The following MYO1F variants were observed in gnomAD, a reference collection of about 807,000 sequenced individuals.
MYO1F encodes the protein myosin IF, also known as unconventional myosin-If.
In MYO1F, 60 loss-of-function variants were observed where a neutral mutation model predicts 146.6. That is an observed-to-expected ratio of 0.41 (90% CI 0.33 to 0.51). The LOEUF is 0.51. MYO1F is among the 20% of genes least tolerant of loss of function. The pLI, the probability that MYO1F is intolerant of heterozygous loss-of-function variation, is 0.25. For missense variants in MYO1F, 1,274 were observed against 1,534.3 expected (o/e 0.83, Z 2.83); for synonymous variants, 602 against 602.1 (o/e 1.00, Z 0.00).
rs753745875 is a variant in MYO1F, at chr19:8,522,466, G to T, written c.3131C>A (p.Pro1044His). ...RPKPQPRTHG[P>H]RCRALYQYVG... Reference sequence around the variant, plus strand: ...GTACTGGTATAGGGCCCGGCACCTGGGACCATGTGTCCGAGGCTGGGGCTT... The same window carrying T: ...GTACTGGTATAGGGCCCGGCACCTGTGACCATGTGTCCGAGGCTGGGGCTT... Residue 1044 changes from proline (P) to histidine (H), a missense_variant, in exon 27 of 28, where the codon CCC (proline) becomes CAC (histidine). Pro to His is a moderately conservative substitution (Grantham distance 77). Around this residue, in one of 2 missense-constraint regions of MYO1F, gnomAD observed 374 missense variants for 379.2 expected, o/e 0.99. Coordinates refer to ENST00000644032, the MANE Select transcript of MYO1F (RefSeq NM_012335.4). 2.5e-6 allele frequency: 4 copies of T among 1,614,046 alleles called. No homozygotes were observed. The highest frequency in any genetic ancestry group is 1.7e-6 in the Non-Finnish European group (2 of 1,180,010).
intron 27 of MYO1F, 83 bp downstream of exon 27, chr19:8,522,294 T>C: frequency 2.5e-6 from 4 of 1,574,380 alleles, no homozygotes; most frequent in Middle Eastern, 1.7e-4. Flanking sequence ...AATGCTGGGA[T>C]TACAGGCGTG....
At chr19:8,556,017 A>G (rs1197281460) in intron 1 of MYO1F, among the ~76,000 whole-genome samples, 1 of 150,672 alleles carries the variant, frequency 6.6e-6, no homozygotes, top group South Asian at 2.1e-4. Flanking sequence ...TTTTTTTTTA[A>G]TTTTTAATTT....
intron 8 of MYO1F, among the ~76,000 whole-genome samples, chr19:8,551,271 T>C (rs920125511): frequency 1.5e-4 from 23 of 151,962 alleles, no homozygotes; most frequent in Non-Finnish European, 2.1e-4. Context: ...AGGCTGGTCT[T>C]GAACTCCTGA....
intron 15 of MYO1F, 181 bp downstream of exon 15, chr19:8,541,725 G>A (rs1214240709): frequency 2.9e-5 from 19 of 654,890 alleles, no homozygotes; most frequent in Non-Finnish European, 4.7e-5. Flanking sequence ...CACTGCGCCC[G>A]GCCTCTGGAG....
At chr19:8,552,522 C>A (rs1196174191) in intron 6 of MYO1F, among the ~76,000 whole-genome samples, 1 of 152,164 alleles carries the variant, frequency 6.6e-6, no homozygotes, top group African/African-American at 2.4e-5. Flanking sequence ...CTGTCTCAGC[C>A]TCCCAAAGTG....
Position 8,530,306 on chromosome 19 carries a change from C to T in MYO1F, c.2218G>A (p.Val740Ile), listed in dbSNP as rs908681220. 12 of 1,614,122 alleles carry T rather than the reference C, an allele frequency of 7.4e-6. No individual in the cohort carries two copies. Among genetic ancestry groups the T allele is most frequent in the Non-Finnish European group, 1.0e-5 (12 of 1,180,016 alleles). ...RRRNSINRNF[V>I]GDYLGLEERP... Reference sequence around the variant, plus strand: ...TCCTCCAGCCCCAGGTAGTCCCCGACGAAGTTCCGATTGATGCTGTTGCGC... The same window carrying T: ...TCCTCCAGCCCCAGGTAGTCCCCGATGAAGTTCCGATTGATGCTGTTGCGC... Residue 740 changes from valine to isoleucine, a missense_variant, in exon 21 of 28, where the codon GTC (valine) becomes ATC (isoleucine). Physicochemically the swap from Val to Ile is conservative, Grantham distance 29. Around this residue, in one of 2 missense-constraint regions of MYO1F, gnomAD observed 900 missense variants for 1,155.1 expected, o/e 0.78. Transcript: ENST00000644032. The surrounding 1 kb of genome is among the most constrained non-coding windows in gnomAD (Gnocchi z 5.8).
At chr19:8,527,842 A>T (rs1197506369) in intron 21 of MYO1F, among the ~76,000 whole-genome samples, 1 of 152,224 alleles carries the variant, frequency 6.6e-6, no homozygotes, top group Non-Finnish European at 1.5e-5. Context: ...TGAGCTCCTG[A>T]TCTCAAGCAA....
At chr19:8,565,259 C>A (rs898513745) in intron 1 of MYO1F, among the ~76,000 whole-genome samples, 1 of 151,870 alleles carries the variant, frequency 6.6e-6, no homozygotes, top group African/African-American at 2.4e-5. Context: ...AAATTGTGGG[C>A]AGGTTGGGTG....
intron 16 of MYO1F, among the ~76,000 whole-genome samples, chr19:8,538,862 G>T (rs150965130): frequency 1.3e-5 from 2 of 152,322 alleles, no homozygotes; most frequent in African/African-American, 4.8e-5. Flanking sequence ...TTGGAAAGCA[G>T]ATAGGCAGTG....
chr19:8,563,893 T>C (rs1453523553), intron 1 of MYO1F, among the ~76,000 whole-genome samples: 1 of 152,046 alleles, frequency 6.6e-6, no homozygotes, highest in Non-Finnish European at 1.5e-5. Flanking sequence ...CTTCTCAAAG[T>C]GCTGAGATTA....
chr19:8,544,432 G>A lies in MYO1F; in HGVS notation c.1389C>T (p.Asp463=), dbSNP rs375376051. The part of the protein sequence containing the change: ...SPPGIMSVLD[D]VCATMHATGG... ...CCGTGGCGTGCATGGTGGCGCACAC[G>A]TCGTCCAAGACGCTCATGATGCCTG... is the stretch of plus-strand genomic sequence containing the variant. Residue 463 remains aspartate (D), a synonymous_variant, in exon 14 of 28, where the codon GAC becomes GAT. Coordinates refer to ENST00000644032, the MANE Select transcript of MYO1F (RefSeq NM_012335.4). 6.2e-6 allele frequency: 10 copies of A among 1,611,892 alleles called. No homozygotes were observed. Among genetic ancestry groups the A allele is most frequent in the East Asian group, 4.5e-5 (2 of 44,862 alleles).
intron 25 of MYO1F, 25 bp from the exon 26 acceptor site, chr19:8,522,854 C>A: frequency 6.5e-7 from 1 of 1,538,296 alleles, no homozygotes; most frequent in South Asian, 1.2e-5. Flanking sequence ...AGGATGAAGA[C>A]ATGTATTAGG....
chr19:8,533,458 C>T (rs1158660034), intron 19 of MYO1F, among the ~76,000 whole-genome samples: 2 of 151,766 alleles, frequency 1.3e-5, no homozygotes, highest in East Asian at 3.9e-4. Flanking sequence ...GGGTTCACGC[C>T]ATTCTCCTGC....
At chr19:8,525,374 G>T (rs1972221659) in intron 25 of MYO1F, 105 bp downstream of exon 25, 1 of 958,400 alleles carries the variant, frequency 1.0e-6, no homozygotes, top group Non-Finnish European at 1.7e-6. Context: ...GGACAGAGAA[G>T]TGAGTGGTAA....
At chr19:8,540,130 G>T (rs1568344938) in intron 15 of MYO1F, 102 bp from the exon 16 acceptor site, 10 of 873,174 alleles carry the variant, frequency 1.1e-5, no homozygotes, top group South Asian at 6.7e-5. Flanking sequence ...GCAAAATATG[G>T]TTCTCTCAAT....
At chr19:8,543,150 C>T (rs896212706) in intron 14 of MYO1F, among the ~76,000 whole-genome samples, 62 of 151,936 alleles carry the variant, frequency 4.1e-4, no homozygotes, top group African/African-American at 7.3e-4. Context: ...GTGATCCACC[C>T]GCCTCAGCCT....
chr19:8,559,155 C>T (rs1973972805), intron 1 of MYO1F, among the ~76,000 whole-genome samples: 1 of 151,866 alleles, frequency 6.6e-6, no homozygotes, highest in African/African-American at 2.4e-5. Context: ...GCTGGGATTA[C>T]AGGCATGAGC....
At position 8,521,370 on chromosome 19, in the gene MYO1F, G is replaced by C. The variant is rs900514266; in HGVS notation, c.*158C>G. On this transcript the variant is annotated 3_prime_UTR_variant, in exon 28 of 28. Coordinates refer to ENST00000644032, the MANE Select transcript of MYO1F (RefSeq NM_012335.4). ...GGGGCGGGGGCTGCAGCAGTGACCTGGTGACCCAGGGCCTGGGCAGGACTG... is the reference window on the plus strand; with the variant it reads ...GGGGCGGGGGCTGCAGCAGTGACCTCGTGACCCAGGGCCTGGGCAGGACTG... 3 of 750,128 alleles carry C rather than the reference G, an allele frequency of 4.0e-6. No homozygotes were observed. Among genetic ancestry groups the C allele is most frequent in the Admixed American group, 4.1e-5 (2 of 48,942 alleles). 46.5% of individuals were successfully genotyped at this position (750,128 alleles called of 1,614,324 possible).
At chr19:8,563,412 C>T (rs988856128) in intron 1 of MYO1F, among the ~76,000 whole-genome samples, 1 of 151,930 alleles carries the variant, frequency 6.6e-6, no homozygotes, top group Non-Finnish European at 1.5e-5. Context: ...ATTCTCATGC[C>T]TCAGCCTCCT....
Sources: allele counts gnomAD v4.1 joint callset (sites outside exome capture counted in the v4.1 genomes callset), GRCh38; gene constraint gnomAD v4.1.1; regional missense constraint gnomAD v4.1.1; non-coding constraint Gnocchi (gnomAD v3.1); transcripts MANE v1.5; gene names NCBI Gene and HGNC (gene_info 2026-07-23, HGNC 2026-07-21).